Variants in SCN11A observed in about 807,000 individuals in gnomAD.
The protein encoded by SCN11A is sodium channel protein type 11 subunit alpha.
Under a neutral mutation model 162.2 loss-of-function variants are expected in SCN11A, and 122 were observed. The observed-to-expected ratio is 0.75, with a 90% confidence interval of 0.65 to 0.87. The LOEUF (loss-of-function observed/expected upper bound fraction) is 0.87. SCN11A is among the 40% of genes least tolerant of loss of function. The probability of loss-of-function intolerance (pLI) is 0.00; values close to 1 mark genes in which losing one functional copy is unlikely to be tolerated. For synonymous variants in SCN11A, 758 were observed against 751.5 expected (o/e 1.01, Z -0.14); for missense variants, 2,015 against 2,181.6 (o/e 0.92, Z 1.52).
intron 20 of SCN11A, 68 bp downstream of exon 20, chr3:38,886,054 CATA>C (rs1470549209): frequency 1.0e-6 from 1 of 981,970 alleles, no homozygotes; most frequent in Non-Finnish European, 1.5e-6. Context: ...GCCATTTTTC[CATA>C]ATAACTATCC....
In SCN11A at chr3:39,049,516, G is replaced by T. The variant is rs534944582; in HGVS notation, c.-404+2345C>A. Among the ~76,000 whole-genome samples the T allele has an allele frequency of 3.9e-5, 6 of 152,300 alleles. No homozygotes were observed. The South Asian group carries it at 1.2e-3, about 32-fold the overall frequency. ...ACAAATAAGAACTCCCTCAATGATG[G>T]GGAGGGCCAATGACCAATGGAATAG... On this transcript the variant is annotated intron_variant, in intron 1 of 29. Transcript: ENST00000302328.
chr3:38,935,412 C>G (rs1421009783), intron 7 of SCN11A, among the ~76,000 whole-genome samples: 2 of 152,100 alleles, frequency 1.3e-5, no homozygotes, highest in Non-Finnish European at 2.9e-5. Context: ...CACAAAACAC[C>G]CTTCAAAAAA....
intron 2 of SCN11A, among the ~76,000 whole-genome samples, chr3:38,994,188 G>A (rs2030538975): frequency 1.3e-5 from 2 of 152,192 alleles, no homozygotes; most frequent in Admixed American, 1.3e-4. Context: ...CTAACTCAGT[G>A]ATATACTTTG....
In SCN11A at chr3:38,905,263, T is replaced by A. The variant is rs895386347; in HGVS notation, c.1532A>T (p.Asp511Val). Residue 511 changes from aspartate (D) to valine (V), a missense_variant, in exon 15 of 30, where the codon GAT becomes GTT. Physicochemically the swap from Asp to Val is radical, Grantham distance 152 (BLOSUM62 -3). Coordinates refer to ENST00000302328, the MANE Select transcript of SCN11A (RefSeq NM_001349253.2). The stretch of plus-strand genomic sequence containing the variant: ...CCTTTGGAGAGGATCTCCATGCTCA[T>A]CAAAGTGGTCCAGTGATAGATTCTG... ...LSQNLSLDHFDEHGDPLQRQR... is the reference protein window; with the variant it reads ...LSQNLSLDHFVEHGDPLQRQR... The A allele has an allele frequency of 2.2e-5, 35 of 1,613,998 alleles. No individual in the cohort carries two copies. The highest frequency in any genetic ancestry group is 2.7e-5 in the Non-Finnish European group (32 of 1,179,972).
intron 7 of SCN11A, among the ~76,000 whole-genome samples, chr3:38,938,754 C>T (rs534731206): frequency 1.9e-3 from 291 of 150,554 alleles, no homozygotes; most frequent in African/African-American, 6.4e-3. Flanking sequence ...AGTAGAGACG[C>T]GGTTTCTCCA....
intron 4 of SCN11A, among the ~76,000 whole-genome samples, chr3:38,952,173 C>T (rs559259986): frequency 6.6e-6 from 1 of 152,070 alleles, no homozygotes; most frequent in Non-Finnish European, 1.5e-5. Context: ...CGCGAGAGTC[C>T]GAGGCTTCAT....
chr3:38,974,694 C>CAAAAAAAAAAA (rs773028321), intron 2 of SCN11A, among the ~76,000 whole-genome samples: 26 of 48,074 alleles, frequency 5.4e-4, no homozygotes, highest in African/African-American at 1.2e-3. Flanking sequence ...GACTCCGTCT[C>CAAAAAAAAAAA]AAAAAAAAAA....
chr3:38,907,073 T>C, intron 14 of SCN11A, among the ~76,000 whole-genome samples: 1 of 152,056 alleles, frequency 6.6e-6, no homozygotes, highest in East Asian at 1.9e-4. Flanking sequence ...TCCTTTCAGC[T>C]GACACACTGC....
At chr3:38,851,029 A>T (rs776354042) in intron 28 of SCN11A, among the ~76,000 whole-genome samples, 4 of 152,204 alleles carry the variant, frequency 2.6e-5, no homozygotes, top group Admixed American at 6.5e-5. Context: ...CTTAGTAACA[A>T]CATAACTTTG....
At chr3:38,973,355 T>G (rs892231625) in intron 2 of SCN11A, among the ~76,000 whole-genome samples, 12 of 152,124 alleles carry the variant, frequency 7.9e-5, no homozygotes, top group Admixed American at 3.3e-4. Context: ...TCACTGTCTC[T>G]TCTTGCAGTC....
intron 1 of SCN11A, among the ~76,000 whole-genome samples, chr3:39,038,315 T>A (rs2031958923): frequency 6.6e-6 from 1 of 152,236 alleles, no homozygotes; most frequent in African/African-American, 2.4e-5. Flanking sequence ...TACATGAACA[T>A]ACTTTAACTA....
intron 7 of SCN11A, among the ~76,000 whole-genome samples, chr3:38,944,332 C>T (rs1303647570): frequency 6.6e-6 from 1 of 151,300 alleles, no homozygotes; most frequent in African/African-American, 2.4e-5. Context: ...CTAGAAAATC[C>T]ATTTTTTTTT....
intron 25 of SCN11A, 89 bp downstream of exon 25, chr3:38,871,356 A>G (rs2065122028): frequency 2.4e-6 from 3 of 1,261,706 alleles, no homozygotes; most frequent in Non-Finnish European, 2.2e-6. Flanking sequence ...ATCACAATGG[A>G]GTCACTGCAT....
At chr3:38,879,873 AG>A (rs1404773335) in intron 23 of SCN11A, 76 bp downstream of exon 23, 5 of 1,175,284 alleles carry the variant, frequency 4.3e-6, no homozygotes, top group African/African-American at 1.6e-5. Flanking sequence ...TGCGGCACAC[AG>A]GAAAAGCAGC....
chr3:38,950,499 G>T, intron 4 of SCN11A, 130 bp from the exon 5 acceptor site: 1 of 863,908 alleles, frequency 1.2e-6, no homozygotes, highest in Non-Finnish European at 1.8e-6. Context: ...GAGGTCAGGG[G>T]CCTTGGGAGC....
chr3:38,961,468 G>A (rs2066740331), intron 2 of SCN11A, among the ~76,000 whole-genome samples: 1 of 152,190 alleles, frequency 6.6e-6, no homozygotes, highest in Non-Finnish European at 1.5e-5. Context: ...CGTGGGATCA[G>A]CCCCTGGCCT....
intron 7 of SCN11A, among the ~76,000 whole-genome samples, chr3:38,934,858 C>T (rs957827746): frequency 1.3e-5 from 2 of 151,866 alleles, no homozygotes; most frequent in African/African-American, 4.8e-5. Context: ...GAATTGAACT[C>T]AGCTCTGCAC....
chr3:39,023,699 G>GT (rs1281949031), intron 2 of SCN11A, among the ~76,000 whole-genome samples: 1 of 151,186 alleles, frequency 6.6e-6, no homozygotes, highest in Non-Finnish European at 1.5e-5. Flanking sequence ...CTGGAGTGCA[G>GT]TGGCATGATC....
chr3:39,024,949 A>G (rs1323369696), intron 2 of SCN11A, among the ~76,000 whole-genome samples: 2 of 152,200 alleles, frequency 1.3e-5, no homozygotes, highest in African/African-American at 4.8e-5. Flanking sequence ...TACACATTAC[A>G]TAAATTTGTA....
Sources: allele counts gnomAD v4.1 joint callset (sites outside exome capture counted in the v4.1 genomes callset), GRCh38; gene constraint gnomAD v4.1.1; transcripts MANE v1.5; gene names NCBI Gene and HGNC (gene_info 2026-07-23, HGNC 2026-07-21).